ANKRD11: variants seen among roughly 807,000 people sequenced by gnomAD.
ANKRD11 encodes the protein ankyrin repeat domain 11.
In ANKRD11, 17 loss-of-function variants were observed where a neutral mutation model predicts 195.7. That is an observed-to-expected ratio of 0.09 (90% confidence interval 0.06 to 0.13). The LOEUF (loss-of-function observed/expected upper bound fraction) is 0.13, where lower values mean the gene tolerates loss of function less well. Among genes scored for constraint, ANKRD11 ranks in the 10% least tolerant of loss-of-function variants. ANKRD11 has a pLI of 1.00. For missense variants in ANKRD11, 3,735 were observed against 3,566.1 expected, an observed-to-expected ratio of 1.05 and a Z score of -1.21; for synonymous variants, 1,953 against 1,528.1, an observed-to-expected ratio of 1.28 and a Z score of -6.49.
chr16:89,280,998 T>C lies in ANKRD11; in HGVS notation c.5544A>G (p.Pro1848=), dbSNP rs777507832. 3 of 1,580,722 alleles carry C rather than the reference T, an allele frequency of 1.9e-6. No homozygotes were observed. Among genetic ancestry groups the C allele is most frequent in the Non-Finnish European group, 2.6e-6 (3 of 1,161,680 alleles). Residue 1848 remains proline, a synonymous_variant, in exon 9 of 13, where the codon CCA becomes CCG. Coordinates refer to ENST00000301030, the MANE Select transcript of ANKRD11 (RefSeq NM_013275.6). ...VPAEKFACLS[P]GYYSPDYGLP... Reference sequence around the variant, plus strand: ...GGCCATAGTCTGGGGAGTAGTACCCTGGCGACAAGCAGGCAAACTTCTCCG... The same window carrying C: ...GGCCATAGTCTGGGGAGTAGTACCCCGGCGACAAGCAGGCAAACTTCTCCG...
chr16:89,314,132 G>A (rs3102351), intron 3 of ANKRD11, among the ~76,000 whole-genome samples: 1 of 152,124 alleles, frequency 6.6e-6, no homozygotes, highest in Non-Finnish European at 1.5e-5. Context: ...GCTGAAGTAG[G>A]AGGACTGCTT....
chr16:89,402,639 G>A (rs374312334), intron 2 of ANKRD11, among the ~76,000 whole-genome samples: 1 of 150,820 alleles, frequency 6.6e-6, no homozygotes, highest in Non-Finnish European at 1.5e-5. Flanking sequence ...CTGTGGGTGG[G>A]GGGGGCAGCA....
intron 6 of ANKRD11, 98 bp from the exon 7 acceptor site, chr16:89,288,768 A>G (rs2034828052): frequency 6.3e-7 from 1 of 1,575,004 alleles, no homozygotes; most frequent in South Asian, 1.1e-5. Context: ...GTGCGGGGAC[A>G]AGCCAGGTGG....
intron 1 of ANKRD11, among the ~76,000 whole-genome samples, chr16:89,468,694 A>G (rs137940320): frequency 3.9e-5 from 6 of 152,190 alleles, no homozygotes; most frequent in African/African-American, 1.4e-4. Flanking sequence ...GCAACAGAGT[A>G]AGACGCTATC....
rs147690079 is a variant in ANKRD11, at chr16:89,281,614, G to A, written c.4928C>T (p.Pro1643Leu). The A allele has an allele frequency of 4.6e-5, 74 of 1,614,100 alleles. No individual in the cohort carries two copies. The highest frequency in any genetic ancestry group is 5.9e-5 in the Non-Finnish European group (70 of 1,180,048). Residue 1643 changes from proline (P) to leucine (L), a missense_variant, in exon 9 of 13, where the codon CCG becomes CTG. Coordinates refer to ENST00000301030, the MANE Select transcript of ANKRD11 (RefSeq NM_013275.6). The surrounding 1 kb of genome is among the most constrained non-coding windows in gnomAD (Gnocchi z 5.5). ...KGLDIPAKKP[P>L]GLDPPFKDKK... is the part of the protein sequence containing the mutation. ...GTCTTTAAATGGAGGGTCCAGCCCCGGCGGTTTCTTAGCAGGAATGTCCAG... is the reference window on the plus strand; with the variant it reads ...GTCTTTAAATGGAGGGTCCAGCCCCAGCGGTTTCTTAGCAGGAATGTCCAG...
chr16:89,278,705 G>T (rs895105636), intron 9 of ANKRD11: 3 of 492,560 alleles, frequency 6.1e-6, no homozygotes, highest in African/African-American at 5.8e-5. Flanking sequence ...GCAGGGGCAG[G>T]AGACACAGGG....
chr16:89,305,418 T>G (rs2036128703), intron 3 of ANKRD11, 74 bp from the exon 4 acceptor site: 1 of 1,598,002 alleles, frequency 6.3e-7, no homozygotes, highest in African/African-American at 1.3e-5. Context: ...TTGTTTCATA[T>G]GCCAGGAGAA....
At chr16:89,313,669 A>G (rs2151907508) in intron 3 of ANKRD11, 1 of 1,194,592 alleles carries the variant, frequency 8.4e-7, no homozygotes, top group Non-Finnish European at 1.1e-6. Context: ...AGCAGAAACC[A>G]TTTCAGCCTG....
intron 2 of ANKRD11, among the ~76,000 whole-genome samples, chr16:89,334,346 G>A (rs373702802): frequency 2.0e-5 from 3 of 151,922 alleles, no homozygotes; most frequent in Non-Finnish European, 1.5e-5. Context: ...GGTGACATGT[G>A]AGGGTACCCC....
At chr16:89,380,879 C>T (rs1469968065) in intron 2 of ANKRD11, among the ~76,000 whole-genome samples, 1 of 152,224 alleles carries the variant, frequency 6.6e-6, no homozygotes, top group African/African-American at 2.4e-5. Context: ...CGGGGCAATG[C>T]AGCTCAGAGG....
intron 9 of ANKRD11, among the ~76,000 whole-genome samples, chr16:89,276,377 A>G (rs537521398): frequency 8.5e-5 from 13 of 152,292 alleles, no homozygotes; most frequent in Admixed American, 3.9e-4. Flanking sequence ...AGCCTCACGC[A>G]GTCTCCACGT....
At chr16:89,414,999 C>T (rs1442695741) in intron 2 of ANKRD11, among the ~76,000 whole-genome samples, 1 of 152,174 alleles carries the variant, frequency 6.6e-6, no homozygotes, top group Non-Finnish European at 1.5e-5. Flanking sequence ...GGCTGGAGTG[C>T]AGTGGTGTGA....
At position 89,315,648 on chromosome 16, in the gene ANKRD11, G is replaced by A. The variant is rs1190107155; in HGVS notation, c.87+1285C>T. ...ACCCACCCAGCCCTGCACACGGCAC[G>A]AGGAGCTTGGGACAGAGCAAGTGGG... On this transcript the variant is annotated intron_variant, in intron 3 of 12. Coordinates refer to ENST00000301030, the MANE Select transcript of ANKRD11 (RefSeq NM_013275.6). Among the ~76,000 whole-genome samples, 4 of 152,244 alleles carry A rather than the reference G, an allele frequency of 2.6e-5. No homozygotes were observed. The South Asian group carries it at 6.2e-4, about 24-fold the overall frequency.
intron 1 of ANKRD11, among the ~76,000 whole-genome samples, chr16:89,428,152 G>C (rs1258397535): frequency 1.3e-5 from 2 of 152,114 alleles, no homozygotes; most frequent in Admixed American, 6.5e-5. Context: ...AGGTTGCAGT[G>C]AGCCAAGATC....
At chr16:89,399,693 A>C (rs2041612929) in intron 2 of ANKRD11, among the ~76,000 whole-genome samples, 1 of 152,198 alleles carries the variant, frequency 6.6e-6, no homozygotes, top group South Asian at 2.1e-4. Flanking sequence ...GGCGGTCGCG[A>C]CTATAACAAA....
chr16:89,440,326 G>A (rs1269196837), intron 1 of ANKRD11, among the ~76,000 whole-genome samples: 3 of 152,174 alleles, frequency 2.0e-5, no homozygotes, highest in South Asian at 4.1e-4. Context: ...AAAATGTCTC[G>A]GTCCAGCGTG....
chr16:89,461,106 G>A (rs1397874703), intron 1 of ANKRD11, among the ~76,000 whole-genome samples: 1 of 139,374 alleles, frequency 7.2e-6, no homozygotes. Flanking sequence ...GACAAATATC[G>A]TATGACCCCC....
intron 2 of ANKRD11, chr16:89,395,756 G>C (rs2041398076): frequency 6.6e-6 from 1 of 152,178 alleles, no homozygotes; most frequent in Admixed American, 6.5e-5. Context: ...TGGTACACTT[G>C]CTTCCCAGGT....
intron 2 of ANKRD11, among the ~76,000 whole-genome samples, chr16:89,360,262 C>T (rs1361802132): frequency 1.3e-5 from 2 of 151,678 alleles, no homozygotes; most frequent in African/African-American, 4.9e-5. Context: ...GCTATGTTAT[C>T]TTATCTTATT....
Sources: allele counts gnomAD v4.1 joint callset (sites outside exome capture counted in the v4.1 genomes callset), GRCh38; gene constraint gnomAD v4.1.1; non-coding constraint Gnocchi (gnomAD v3.1); transcripts MANE v1.5; gene names NCBI Gene and HGNC (gene_info 2026-07-23, HGNC 2026-07-21).